Variants in ETS1 observed in about 807,000 individuals in gnomAD.
The protein encoded by ETS1 is ETS proto-oncogene 1, transcription factor.
In ETS1, 15 loss-of-function variants were observed where a neutral mutation model predicts 58.6. The ratio of observed to expected loss-of-function variants is 0.26; its 90% CI spans 0.17 to 0.39. The LOEUF is 0.39. Among genes scored for constraint, ETS1 ranks in the 10% least tolerant of loss-of-function variants. The pLI, the probability that ETS1 is intolerant of heterozygous loss-of-function variation, is 1.00. For missense variants in ETS1, 417 were observed against 610.5 expected, an observed-to-expected ratio of 0.68 and a Z score of 3.34; for synonymous variants, 214 against 218.2, an observed-to-expected ratio of 0.98 and a Z score of 0.17.
chr11:128,472,457 G>C (rs567517735), intron 8 of ETS1, among the ~76,000 whole-genome samples: 2 of 152,146 alleles, frequency 1.3e-5, no homozygotes, highest in South Asian at 2.1e-4. Context: ...TGAGAGTGTC[G>C]GGACACATGG....
intron 6 of ETS1, 144 bp from the exon 7 acceptor site, chr11:128,485,215 T>C (rs1862595801): frequency 1.4e-6 from 1 of 700,222 alleles, no homozygotes; most frequent in Non-Finnish European, 2.3e-6. Flanking sequence ...GCTTGCATTT[T>C]TAACCTTGTC....
chr11:128,532,759 G>C (rs573345127), intron 3 of ETS1, among the ~76,000 whole-genome samples: 1 of 152,060 alleles, frequency 6.6e-6, no homozygotes, highest in South Asian at 2.1e-4. Context: ...GCCTTGAATA[G>C]CTCTGTCTAA....
At chr11:128,550,051 T>C (rs1022086145) in intron 3 of ETS1, among the ~76,000 whole-genome samples, 1 of 152,230 alleles carries the variant, frequency 6.6e-6, no homozygotes, top group Non-Finnish European at 1.5e-5. Context: ...TTAACTATAC[T>C]ACCCTCATGC....
At chr11:128,489,636 C>T in intron 4 of ETS1, 146 bp from the exon 5 acceptor site, 1 of 649,408 alleles carries the variant, frequency 1.5e-6, no homozygotes. Context: ...GCCTGCACAT[C>T]ATTGAGTGCC....
intron 5 of ETS1, 144 bp downstream of exon 5, chr11:128,489,145 AG>A: frequency 1.4e-6 from 1 of 705,892 alleles, no homozygotes; most frequent in Non-Finnish European, 2.6e-6. Flanking sequence ...TATGCTGAGC[AG>A]TGTACTAGGC....
chr11:128,571,285 G>A (rs747519026), intron 2 of ETS1, among the ~76,000 whole-genome samples: 3 of 151,856 alleles, frequency 2.0e-5, no homozygotes, highest in African/African-American at 2.4e-5. Context: ...GCGTGGTGGC[G>A]GGCGCCTGTA....
At chr11:128,495,111 CA>C (rs1862903486) in intron 3 of ETS1, among the ~76,000 whole-genome samples, 2 of 152,164 alleles carry the variant, frequency 1.3e-5, no homozygotes, top group African/African-American at 4.8e-5. Context: ...GGAAAGGTAT[CA>C]CAAGGTCCCC....
chr11:128,491,022 G>A (rs1282348647), intron 3 of ETS1, among the ~76,000 whole-genome samples: 2 of 151,992 alleles, frequency 1.3e-5, no homozygotes, highest in African/African-American at 2.4e-5. Flanking sequence ...GCCAGCATGA[G>A]CAGGCAACAT....
At chr11:128,546,656 A>C (rs894543734) in intron 3 of ETS1, among the ~76,000 whole-genome samples, 1 of 152,240 alleles carries the variant, frequency 6.6e-6, no homozygotes, top group Non-Finnish European at 1.5e-5. Flanking sequence ...TTCTTTAAAA[A>C]AAATTTTTTT....
intron 3 of ETS1, among the ~76,000 whole-genome samples, chr11:128,511,307 T>C (rs1863387362): frequency 1.3e-5 from 2 of 152,170 alleles, no homozygotes; most frequent in South Asian, 4.1e-4. Context: ...CAAATCTCTT[T>C]AGATTAAAAG....
At chr11:128,507,762 G>A (rs965028959) in intron 3 of ETS1, among the ~76,000 whole-genome samples, 2 of 152,158 alleles carry the variant, frequency 1.3e-5, no homozygotes, top group African/African-American at 4.8e-5. Context: ...GGTCTTCACT[G>A]ACCTGGACCT....
At chr11:128,514,478 A>G (rs952527599) in intron 3 of ETS1, among the ~76,000 whole-genome samples, 5 of 152,074 alleles carry the variant, frequency 3.3e-5, no homozygotes, top group African/African-American at 1.2e-4. Context: ...TGCTCTCTAT[A>G]TGGAAAATAA....
rs972962634 is a variant in ETS1, at chr11:128,461,230, T to C, written c.*1131A>G. 2.0e-5 allele frequency: 3 copies of C among 152,798 alleles called. No individual in the cohort carries two copies. Among genetic ancestry groups the C allele is most frequent in the African/African-American group, 7.2e-5 (3 of 41,458 alleles). 9.5% of individuals were successfully genotyped at this position (152,798 alleles called of 1,614,324 possible). ...TACAGAGTGTTAGTTTGGAACGACA[T>C]GCATTCAGGACTTATTTCTTAGGAC... On this transcript the variant is annotated 3_prime_UTR_variant, in exon 10 of 10. Coordinates refer to ENST00000392668, the MANE Select transcript of ETS1 (RefSeq NM_001143820.2).
Position 128,461,809 on chromosome 11 carries a change from G to T in ETS1, c.*552C>A, listed in dbSNP as rs1861912283. The T allele has an allele frequency of 6.6e-6, 1 of 152,668 alleles. No individual in the cohort carries two copies. Among genetic ancestry groups the T allele is most frequent in the Admixed American group, 6.5e-5 (1 of 15,288 alleles). 9.5% of individuals were successfully genotyped at this position (152,668 alleles called of 1,614,324 possible). On this transcript the variant is annotated 3_prime_UTR_variant, in exon 10 of 10. Transcript: ENST00000392668. Reference sequence around the variant, plus strand: ...TAAAATAAATTTTAACACAACAACGGTTTTGGCCCCTCCCCACTGAAGTCC... The same window carrying T: ...TAAAATAAATTTTAACACAACAACGTTTTTGGCCCCTCCCCACTGAAGTCC...
intron 3 of ETS1, among the ~76,000 whole-genome samples, chr11:128,502,184 C>T (rs565692810): frequency 1.3e-5 from 2 of 152,294 alleles, no homozygotes; most frequent in East Asian, 3.9e-4. Context: ...TCCAACTGGA[C>T]CCAAGTTGGG....
intron 3 of ETS1, chr11:128,536,801 T>C (rs929450541): frequency 3.3e-5 from 5 of 152,232 alleles, no homozygotes; most frequent in Admixed American, 6.5e-5. Context: ...TCAGATCCCA[T>C]AGAAGAGCAA....
At chr11:128,578,313 G>T (rs1591677190) in intron 1 of ETS1, among the ~76,000 whole-genome samples, 1 of 152,192 alleles carries the variant, frequency 6.6e-6, no homozygotes, top group East Asian at 1.9e-4. Flanking sequence ...AAAGAGACCA[G>T]GCTTGAATCA....
chr11:128,575,423 C>T (rs938154739), intron 1 of ETS1, among the ~76,000 whole-genome samples: 3 of 152,144 alleles, frequency 2.0e-5, no homozygotes, highest in Non-Finnish European at 4.4e-5. Flanking sequence ...TAAGGGAGTA[C>T]GATTGTATTT....
At chr11:128,545,022 T>TGGGGGG (rs397810711) in intron 3 of ETS1, among the ~76,000 whole-genome samples, 3 of 103,730 alleles carry the variant, frequency 2.9e-5, no homozygotes, top group Non-Finnish European at 4.0e-5. Flanking sequence ...TGGTTGGGGG[T>TGGGGGG]GGGGGGGGCA....
Sources: allele counts gnomAD v4.1 joint callset (sites outside exome capture counted in the v4.1 genomes callset), GRCh38; gene constraint gnomAD v4.1.1; transcripts MANE v1.5; gene names NCBI Gene and HGNC (gene_info 2026-07-23, HGNC 2026-07-21).